ZEB1: variants seen among roughly 807,000 people sequenced by gnomAD.
ZEB1 encodes the protein zinc finger E-box-binding homeobox 1.
In ZEB1, 21 loss-of-function variants were observed where a neutral mutation model predicts 84.9. The ratio of observed to expected loss-of-function variants is 0.25; its 90% CI spans 0.18 to 0.36. ZEB1 has a LOEUF of 0.36. ZEB1 is among the 10% of genes least tolerant of loss of function. The pLI, the probability that ZEB1 is intolerant of heterozygous loss-of-function variation, is 1.00. For missense variants in ZEB1, 1,104 were observed against 1,330.2 expected (o/e 0.83, Z 2.65); for synonymous variants, 420 against 471.1 (o/e 0.89, Z 1.41).
chr10:31,346,822 A>G (rs2040401358), intron 1 of ZEB1, among the ~76,000 whole-genome samples: 2 of 152,232 alleles, frequency 1.3e-5, no homozygotes, highest in Admixed American at 1.3e-4. Flanking sequence ...ATGCATGCTC[A>G]ATTAAGTCAG....
At chr10:31,389,822 T>C (rs1471232299) in intron 1 of ZEB1, 2 of 152,172 alleles carry the variant, frequency 1.3e-5, no homozygotes, top group Admixed American at 6.6e-5. Flanking sequence ...AATAGAATGT[T>C]TTATGAGATT....
intron 1 of ZEB1, among the ~76,000 whole-genome samples, chr10:31,446,588 G>A (rs372106874): frequency 1.8e-4 from 27 of 150,594 alleles, no homozygotes; most frequent in African/African-American, 4.4e-4. Flanking sequence ...CTTTGAATGC[G>A]TCCCAGAGAT....
At chr10:31,399,934 T>G (rs1211759121) in intron 1 of ZEB1, among the ~76,000 whole-genome samples, 1 of 152,142 alleles carries the variant, frequency 6.6e-6, no homozygotes, top group Non-Finnish European at 1.5e-5. Context: ...GCACTGGTTG[T>G]TCTCTGTAAT....
chr10:31,513,259 A>G (rs2070432039), intron 5 of ZEB1, among the ~76,000 whole-genome samples: 1 of 152,158 alleles, frequency 6.6e-6, no homozygotes. Flanking sequence ...GTGAGGGTAC[A>G]TGAGTAAGAG....
intron 1 of ZEB1, among the ~76,000 whole-genome samples, chr10:31,380,152 C>T (rs1208318102): frequency 6.6e-6 from 1 of 151,928 alleles, no homozygotes; most frequent in Non-Finnish European, 1.5e-5. Flanking sequence ...ACTTGTTTAC[C>T]TCACTCACCC....
chr10:31,523,279 T>G (rs980069502), intron 7 of ZEB1, among the ~76,000 whole-genome samples: 4 of 152,208 alleles, frequency 2.6e-5, no homozygotes. Context: ...TCCATGAGAC[T>G]GCCTGGAGTT....
intron 2 of ZEB1, among the ~76,000 whole-genome samples, chr10:31,476,930 T>C (rs755998979): frequency 2.0e-5 from 3 of 152,052 alleles, no homozygotes; most frequent in Non-Finnish European, 2.9e-5. Context: ...AAGAATCATA[T>C]ATGACAAAGT....
chr10:31,456,250 C>T (rs1015383357), intron 1 of ZEB1, among the ~76,000 whole-genome samples: 4 of 152,024 alleles, frequency 2.6e-5, no homozygotes, highest in African/African-American at 9.7e-5. Context: ...CACACCAGGG[C>T]CTGTTGGCGG....
chr10:31,423,013 A>G (rs1217328334), intron 1 of ZEB1, among the ~76,000 whole-genome samples: 4 of 152,014 alleles, frequency 2.6e-5, no homozygotes, highest in Non-Finnish European at 5.9e-5. Context: ...ATTCTTTTTA[A>G]TGGCTGCGTA....
intron 1 of ZEB1, among the ~76,000 whole-genome samples, chr10:31,403,177 G>A (rs898358407): frequency 2.0e-5 from 3 of 152,028 alleles, no homozygotes; most frequent in African/African-American, 7.2e-5. Context: ...TATTTTGGAG[G>A]ATGATTTTAT....
intron 1 of ZEB1, chr10:31,320,734 T>G (rs1404444674): frequency 6.6e-6 from 1 of 152,256 alleles, no homozygotes; most frequent in East Asian, 1.9e-4. Flanking sequence ...CTCGGGGCGA[T>G]GCTATGCTTT....
rs2043030603 is a variant in ZEB1 at position 31,361,338 on chromosome 10, A to T, written c.58+42046A>T. The T allele has an allele frequency of 1.0e-5, 9 of 882,806 alleles. No individual in the cohort carries two copies. The Admixed American group carries it at 1.7e-4, about 17-fold the overall frequency. The allele number at this position is 882,806 out of a possible 1,614,324, so 54.7% of individuals were successfully genotyped here. On this transcript the variant is annotated intron_variant, in intron 1 of 8. Transcript: ENST00000424869. ...CTCCTGAGTAGCTGGGACTACAGGCACAAGCCACCATGCCCGCCTAATTTT... is the reference window on the plus strand; with the variant it reads ...CTCCTGAGTAGCTGGGACTACAGGCTCAAGCCACCATGCCCGCCTAATTTT...
intron 2 of ZEB1, among the ~76,000 whole-genome samples, chr10:31,469,582 A>G (rs546357713): frequency 3.3e-5 from 5 of 152,186 alleles, no homozygotes; most frequent in Non-Finnish European, 7.3e-5. Context: ...AGTCTCGCTG[A>G]TTGCTAGCAC....
At chr10:31,371,521 G>C (rs1208045664) in intron 1 of ZEB1, among the ~76,000 whole-genome samples, 1 of 152,082 alleles carries the variant, frequency 6.6e-6, no homozygotes, top group Non-Finnish European at 1.5e-5. Flanking sequence ...TTTAAAAAAT[G>C]CTTCTTGATA....
At chr10:31,430,050 A>G (rs1317844263) in intron 1 of ZEB1, among the ~76,000 whole-genome samples, 1 of 152,094 alleles carries the variant, frequency 6.6e-6, no homozygotes, top group Admixed American at 6.5e-5. Flanking sequence ...CATAGGCAGA[A>G]CTTTTACTTG....
chr10:31,319,580 G>T (rs1165571493), intron 1 of ZEB1: 7 of 401,630 alleles, frequency 1.7e-5, no homozygotes, highest in East Asian at 1.3e-4. Context: ...AGCCGGCGCC[G>T]ACGCCGCCGC....
intron 1 of ZEB1, among the ~76,000 whole-genome samples, chr10:31,376,612 T>G (rs2046667536): frequency 6.6e-6 from 1 of 151,760 alleles, no homozygotes; most frequent in Non-Finnish European, 1.5e-5. Context: ...TCATACTGGT[T>G]GGGTGTGAGT....
At chr10:31,505,613 T>C (rs1029428230) in intron 4 of ZEB1, among the ~76,000 whole-genome samples, 10 of 151,968 alleles carry the variant, frequency 6.6e-5, no homozygotes, top group South Asian at 2.1e-4. Context: ...TTGTTAGTCT[T>C]CTTTTTCATT....
chr10:31,519,479 C>T (rs1592074777), intron 6 of ZEB1, among the ~76,000 whole-genome samples: 1 of 152,244 alleles, frequency 6.6e-6, no homozygotes, highest in East Asian at 1.9e-4. Context: ...AATGTTTTAT[C>T]ATATCCACTG....
Sources: gnomAD v4.1 joint callset for allele counts (sites outside exome capture counted in the v4.1 genomes callset) on GRCh38, gnomAD v4.1.1 for gene constraint, MANE v1.5 for transcripts, NCBI Gene and HGNC (gene_info 2026-07-23, HGNC 2026-07-21) for gene names.